TERF2IP: variants seen among roughly 807,000 people sequenced by gnomAD.
TERF2IP encodes the protein telomeric repeat-binding factor 2-interacting protein 1.
Under a neutral mutation model 33.3 loss-of-function variants are expected in TERF2IP, and 35 were observed. The observed-to-expected ratio is 1.05, with a 90% CI of 0.80 to 1.39. The LOEUF is 1.39. Ranked by LOEUF, TERF2IP falls within the 40% of genes most tolerant of loss-of-function variation. TERF2IP has a pLI of 0.00. For missense variants in TERF2IP, 583 were observed against 524.8 expected, an observed-to-expected ratio of 1.11 and a Z score of -1.08; for synonymous variants, 253 against 223.2, an observed-to-expected ratio of 1.13 and a Z score of -1.19.
rs748480297 is a variant in TERF2IP at position 75,656,535 on chromosome 16, A to T, written c.1124A>T (p.Glu375Val). The change falls in exon 3 of 3, where the codon GAG (glutamate) becomes GTG (valine). Residue 375 changes from glutamate to valine, a missense_variant. Coordinates refer to ENST00000300086, the MANE Select transcript of TERF2IP (RefSeq NM_018975.4). ...GACATAGATTTGCAAAAAGATGATG[A>T]GGATACCAGAGAGGCATTGGTCAAA... Reference protein sequence around the residue: ...QDDIDLQKDDEDTREALVKKF... With the variant: ...QDDIDLQKDDVDTREALVKKF... 1.9e-6 allele frequency: 3 copies of T among 1,614,170 alleles called. No individual in the cohort carries two copies. Among genetic ancestry groups the T allele is most frequent in the Non-Finnish European group, 1.7e-6 (2 of 1,180,010 alleles).
At chr16:75,654,171 AAAG>A in intron 1 of TERF2IP, 99 bp from the exon 2 acceptor site, 15 of 921,386 alleles carry the variant, frequency 1.6e-5, no homozygotes, top group Admixed American at 5.9e-5. Flanking sequence ...AAAAAAAAAA[AAAG>A]TGCAGGCTCA....
chr16:75,648,642 T>C, intron 1 of TERF2IP, 90 bp downstream of exon 1: 1 of 1,442,424 alleles, frequency 6.9e-7, no homozygotes, highest in South Asian at 1.4e-5. Context: ...TCTTGGCATC[T>C]TCGGTAGCAG....
chr16:75,648,735 T>A, intron 1 of TERF2IP, 183 bp downstream of exon 1: 1 of 1,420,962 alleles, frequency 7.0e-7, no homozygotes, highest in Non-Finnish European at 9.2e-7. Flanking sequence ...TTATTATTGT[T>A]CTTTTTTTGC....
intron 2 of TERF2IP, 55 bp from the exon 3 acceptor site, chr16:75,656,152 G>C (rs927055386): frequency 2.6e-6 from 4 of 1,518,768 alleles, no homozygotes; most frequent in Non-Finnish European, 3.5e-6. Context: ...ACCAGATATT[G>C]TAAGAAATCA....
chr16:75,656,497 G>T lies in TERF2IP; in HGVS notation c.1086G>T (p.Trp362Cys). Residue 362 changes from tryptophan to cysteine, a missense_variant, in exon 3 of 3, where the codon TGG becomes TGT. Physicochemically the swap from Trp to Cys is radical, Grantham distance 215. Transcript: ENST00000300086. Reference sequence around the variant, plus strand: ...AGAGAGCTGATGGATATCCCATTTGGTCCCGACAAGATGACATAGATTTGC... The same window carrying T: ...AGAGAGCTGATGGATATCCCATTTGTTCCCGACAAGATGACATAGATTTGC... Reference protein sequence around the residue: ...SGQRADGYPIWSRQDDIDLQK... With the variant: ...SGQRADGYPICSRQDDIDLQK... 1 of 1,614,130 alleles carries T rather than the reference G, an allele frequency of 6.2e-7. No individual in the cohort carries two copies. The highest frequency in any genetic ancestry group is 2.2e-5 in the East Asian group (1 of 44,884).
intron 1 of TERF2IP, among the ~76,000 whole-genome samples, chr16:75,648,867 A>G (rs942410856): frequency 7.0e-6 from 1 of 142,180 alleles, no homozygotes; most frequent in African/African-American, 2.6e-5. Flanking sequence ...CGTCGTTTTT[A>G]TTTTTTAATT....
rs773686224 is a variant in TERF2IP at position 75,648,188 on chromosome 16, C to T, written c.306C>T (p.Gly102=). 5 of 1,550,436 alleles carry T rather than the reference C, an allele frequency of 3.2e-6. No individual in the cohort carries two copies. The highest frequency in any genetic ancestry group is 2.0e-5 in the Admixed American group (1 of 50,714). The change falls in exon 1 of 3, where the codon GGC becomes GGT. Residue 102 remains glycine, a synonymous_variant. Transcript: ENST00000300086. ...ERLELEAYRL[G]PASAADTGSE... ...TGGAGCTGGAGGCCTATCGGCTGGG[C>T]CCCGCCTCGGCGGCGGACACCGGCT...
intron 1 of TERF2IP, among the ~76,000 whole-genome samples, chr16:75,651,263 A>G (rs1216942533): frequency 3.3e-5 from 5 of 152,196 alleles, no homozygotes; most frequent in Admixed American, 2.0e-4. Context: ...GCTCTTTGTC[A>G]TTAAGTAAGA....
intron 1 of TERF2IP, among the ~76,000 whole-genome samples, chr16:75,653,468 C>T (rs896833561): frequency 1.1e-4 from 17 of 152,116 alleles, no homozygotes; most frequent in African/African-American, 3.9e-4. Flanking sequence ...AATTCCATCA[C>T]GAAAAACTCC....
chr16:75,649,828 G>A (rs543594790), intron 1 of TERF2IP, among the ~76,000 whole-genome samples: 1 of 152,290 alleles, frequency 6.6e-6, no homozygotes, highest in South Asian at 2.1e-4. Flanking sequence ...TTGGGGTTCA[G>A]TATGTCTAGG....
At chr16:75,649,755 T>C (rs117069506) in intron 1 of TERF2IP, among the ~76,000 whole-genome samples, 1 of 152,220 alleles carries the variant, frequency 6.6e-6, no homozygotes, top group Non-Finnish European at 1.5e-5. Context: ...TTCTCGGCAG[T>C]TGGAAGGTCT....
At position 75,647,869 on chromosome 16, in the gene TERF2IP, G is replaced by C; in HGVS notation, c.-14G>C. On this transcript the variant is annotated 5_prime_UTR_variant, in exon 1 of 3. Transcript: ENST00000300086. ...GCGAGGGGGTAGCTCTTCTAGTAGT[G>C]CTCGGCGTCAGACATGGCGGAGGCG... 3.1e-6 allele frequency: 5 copies of C among 1,601,680 alleles called. No individual in the cohort carries two copies. Among genetic ancestry groups the C allele is most frequent in the South Asian group, 1.1e-5 (1 of 90,406 alleles).
chr16:75,653,753 G>C (rs1036654992), intron 1 of TERF2IP, among the ~76,000 whole-genome samples: 9 of 152,092 alleles, frequency 5.9e-5, no homozygotes, highest in African/African-American at 1.9e-4. Context: ...CCCCAGCTTG[G>C]TCAGTTCTGA....
intron 1 of TERF2IP, among the ~76,000 whole-genome samples, chr16:75,651,294 A>G (rs984664242): frequency 6.6e-6 from 1 of 152,184 alleles, no homozygotes; most frequent in African/African-American, 2.4e-5. Context: ...TAAAAAGAAA[A>G]CTAATAGAAA....
At position 75,656,454 on chromosome 16, in the gene TERF2IP, C is replaced by G; in HGVS notation, c.1043C>G (p.Ala348Gly). The change falls in exon 3 of 3, where the codon GCC becomes GGC. Residue 348 changes from alanine (A) to glycine (G), a missense_variant. Transcript: ENST00000300086. ...AGTGGTGAGCTGGAGGCTACTTCCG[C>G]CTTCTTAGCGTCTGGTCAGAGAGCT... ...KNSGELEATS[A>G]FLASGQRADG... is the part of the protein sequence containing the mutation. 1 of 1,614,158 alleles carries G rather than the reference C, an allele frequency of 6.2e-7. No homozygotes were observed.
rs1289468608 is a variant in TERF2IP at position 75,648,532 on chromosome 16, C to A, written c.650C>A (p.Pro217Gln). Residue 217 changes from proline (P) to glutamine (Q), a missense_variant, in exon 1 of 3, where the codon CCG becomes CAG. By Grantham distance (76) the Pro-to-Gln change is moderately conservative. Transcript: ENST00000300086. ...QKLKRKAEED[P>Q]EAADSGEPQN... ...CTCAAGCGGAAGGCGGAGGAGGACC[C>A]GGAGGCCGCGGATAGCGGGGGTGAG... 69 of 1,563,458 alleles carry A rather than the reference C, an allele frequency of 4.4e-5. No individual in the cohort carries two copies. The highest frequency in any genetic ancestry group is 5.6e-5 in the Non-Finnish European group (65 of 1,151,798).
At chr16:75,649,309 C>G (rs2082329185) in intron 1 of TERF2IP, among the ~76,000 whole-genome samples, 1 of 152,106 alleles carries the variant, frequency 6.6e-6, no homozygotes. Context: ...TTTGGGAGGC[C>G]GAGGCGGGCG....
chr16:75,649,865 C>T (rs74024807), intron 1 of TERF2IP, among the ~76,000 whole-genome samples: 18,324 of 152,098 alleles, frequency 0.12, 1,154 homozygotes, highest in Middle Eastern at 0.17. Flanking sequence ...TTAAGATGTA[C>T]TTGGTGACGT....
chr16:75,648,069 C>T lies in TERF2IP; in HGVS notation c.187C>T (p.Leu63=). ...VCRVQEPGAV[L]LAQPGEALAE... is the part of the protein sequence containing the mutation. ...CCGAGTGCAGGAGCCCGGGGCCGTG[C>T]TGCTGGCCCAGCCCGGGGAGGCGCT... The change falls in exon 1 of 3, where the codon CTG becomes TTG. Residue 63 remains leucine, a synonymous_variant. Transcript: ENST00000300086. 6.3e-7 allele frequency: 1 copy of T among 1,586,282 alleles called. No homozygotes were observed. The highest frequency in any genetic ancestry group is 8.6e-7 in the Non-Finnish European group (1 of 1,166,316).
Sources: gnomAD v4.1 joint callset for allele counts (sites outside exome capture counted in the v4.1 genomes callset) on GRCh38, gnomAD v4.1.1 for gene constraint, MANE v1.5 for transcripts, NCBI Gene and HGNC (gene_info 2026-07-23, HGNC 2026-07-21) for gene names.